Variants in TAOK3 observed in about 807,000 individuals in gnomAD.
The protein encoded by TAOK3 is TAO kinase 3, also known as serine/threonine-protein kinase TAO3.
TAOK3 carries 40 observed loss-of-function variants against 120.4 expected under a neutral mutation model. The observed-to-expected ratio is 0.33, with a 90% CI of 0.26 to 0.43. TAOK3 has a LOEUF of 0.43. Among genes scored for constraint, TAOK3 ranks in the 20% least tolerant of loss-of-function variants. TAOK3 has a pLI of 1.00. For missense variants in TAOK3, 821 were observed against 1,112.1 expected (o/e 0.74, Z 3.72); for synonymous variants, 355 against 387.5 (o/e 0.92, Z 0.99).
rs1269075785 is a variant in TAOK3 at position 118,343,413 on chromosome 12, T to G, written c.-194+29235A>C. Among the ~76,000 whole-genome samples the G allele has an allele frequency of 5.7e-5, 8 of 139,518 alleles. No homozygotes were observed. The Admixed American group carries it at 6.0e-4, about 10-fold the overall frequency. The allele number at this position is 139,518 out of a possible 152,430, so 91.5% of individuals were successfully genotyped here. On this transcript the variant is annotated intron_variant, in intron 1 of 20. Coordinates refer to ENST00000392533, the MANE Select transcript of TAOK3 (RefSeq NM_016281.4). ...TTGCACTCCAGCCTAGGCGACAGAG[T>G]GAGTCCCTGTCTCAAAAAAAAAAAA...
At chr12:118,166,448 G>C (rs1360870254) in intron 17 of TAOK3, among the ~76,000 whole-genome samples, 1 of 151,274 alleles carries the variant, frequency 6.6e-6, no homozygotes, top group Non-Finnish European at 1.5e-5. Context: ...TGAGGCAGGA[G>C]AATCACTTGA....
chr12:118,287,800 A>C (rs1241515571), intron 1 of TAOK3, among the ~76,000 whole-genome samples: 1 of 152,178 alleles, frequency 6.6e-6, no homozygotes, highest in African/African-American at 2.4e-5. Context: ...AATTCCCAGC[A>C]TTCTTAATTG....
At chr12:118,226,333 G>A (rs996899001) in intron 9 of TAOK3, among the ~76,000 whole-genome samples, 2 of 152,114 alleles carry the variant, frequency 1.3e-5, no homozygotes, top group African/African-American at 2.4e-5. Context: ...CTGAGATTGC[G>A]CCACTGCACT....
chr12:118,315,552 A>G (rs528584496), intron 1 of TAOK3, among the ~76,000 whole-genome samples: 1 of 152,294 alleles, frequency 6.6e-6, no homozygotes, highest in South Asian at 2.1e-4. Flanking sequence ...GGTGGATGGA[A>G]AAGAATGGAA....
At chr12:118,217,701 T>TA (rs200196166) in intron 9 of TAOK3, among the ~76,000 whole-genome samples, 4,168 of 147,580 alleles carry the variant, frequency 0.028, 199 homozygotes, top group African/African-American at 0.098. Context: ...AAAAATAAAT[T>TA]AAAAAAAATG....
chr12:118,194,733 C>T (rs1448892173), intron 13 of TAOK3, among the ~76,000 whole-genome samples: 1 of 149,702 alleles, frequency 6.7e-6, no homozygotes, highest in Non-Finnish European at 1.5e-5. Context: ...CTTTAGGAGT[C>T]AGGGTAGAAT....
At chr12:118,306,909 T>G (rs1462403784) in intron 1 of TAOK3, among the ~76,000 whole-genome samples, 1 of 152,228 alleles carries the variant, frequency 6.6e-6, no homozygotes, top group African/African-American at 2.4e-5. Context: ...TAACAACATG[T>G]GGCTAGTAAG....
rs117743532 is a variant in TAOK3, at chr12:118,330,417, C to A, written c.-194+42231G>T. On this transcript the variant is annotated intron_variant, in intron 1 of 20. Transcript: ENST00000392533. ...ATTTCTAAGCGAGTTTTAAAATATGCCAGAGCAGCTTTGTATATTTTTAGA... is the reference window on the plus strand; with the variant it reads ...ATTTCTAAGCGAGTTTTAAAATATGACAGAGCAGCTTTGTATATTTTTAGA... Among the ~76,000 whole-genome samples, 132 of 152,178 alleles carry A rather than the reference C, an allele frequency of 8.7e-4. 1 individual carries two copies. In the East Asian group the frequency reaches 0.023, roughly 26 times the overall value.
At chr12:118,276,221 T>A (rs1593381453) in intron 1 of TAOK3, among the ~76,000 whole-genome samples, 2 of 152,106 alleles carry the variant, frequency 1.3e-5, no homozygotes, top group South Asian at 4.2e-4. Context: ...AAGAAAGAAA[T>A]GATGACAGCC....
chr12:118,213,927 C>T (rs1353023972), intron 10 of TAOK3, 90 bp downstream of exon 10: 1 of 1,154,588 alleles, frequency 8.7e-7, no homozygotes, highest in Non-Finnish European at 1.3e-6. Flanking sequence ...GAAATGCTTT[C>T]TAGGTCAGAT....
chr12:118,317,049 G>A (rs995553317), intron 1 of TAOK3, among the ~76,000 whole-genome samples: 49 of 152,122 alleles, frequency 3.2e-4, no homozygotes, highest in African/African-American at 1.1e-3. Flanking sequence ...GATTGCTTGA[G>A]CTCAGGAGTT....
rs2037546807 is a variant in TAOK3 at position 118,193,508 on chromosome 12, AG to A, written c.1195-3568del. On this transcript the variant is annotated intron_variant, in intron 13 of 20. Coordinates refer to ENST00000392533, the MANE Select transcript of TAOK3 (RefSeq NM_016281.4). ...AAACTTTACTATTATACCTTAGACA[AG>A]GGGCTTTCCTTTTATTTGGAAGTCT... Among the ~76,000 whole-genome samples, 3 of 152,210 alleles carry A rather than the reference AG, an allele frequency of 2.0e-5. No homozygotes were observed. The South Asian group carries it at 6.2e-4, about 31-fold the overall frequency.
chr12:118,284,465 T>C (rs1244815891), intron 1 of TAOK3, among the ~76,000 whole-genome samples: 2 of 152,172 alleles, frequency 1.3e-5, no homozygotes, highest in East Asian at 3.9e-4. Context: ...ATGGGAGTTA[T>C]TAGCTCTGAG....
chr12:118,152,518 G>C (rs1279271997), intron 19 of TAOK3, 109 bp from the exon 20 acceptor site: 1 of 1,171,058 alleles, frequency 8.5e-7, no homozygotes, highest in East Asian at 2.4e-5. Flanking sequence ...ATTGAAATTG[G>C]TTGCCCCCTC....
intron 13 of TAOK3, among the ~76,000 whole-genome samples, chr12:118,193,739 G>A (rs1027230689): frequency 7.9e-5 from 12 of 152,116 alleles, no homozygotes; most frequent in Non-Finnish European, 8.8e-5. Context: ...GTGAGCCACC[G>A]TGCCTGGCTA....
chr12:118,155,391 A>T lies in TAOK3; in HGVS notation c.2353-2982T>A, dbSNP rs564391493. Among the ~76,000 whole-genome samples, 47 of 152,358 alleles carry T rather than the reference A, an allele frequency of 3.1e-4. 1 individual carries two copies. The South Asian group carries it at 5.8e-3, about 19-fold the overall frequency. On this transcript the variant is annotated intron_variant, in intron 19 of 20. Coordinates refer to ENST00000392533, the MANE Select transcript of TAOK3 (RefSeq NM_016281.4). The stretch of plus-strand genomic sequence containing the variant: ...ACAATGGCAAAGCTGAGTAGCTGTG[A>T]CAGAGACCCTGTGGTCCACAAAGCT...
At chr12:118,348,279 T>G (rs183923703) in intron 1 of TAOK3, among the ~76,000 whole-genome samples, 3 of 152,336 alleles carry the variant, frequency 2.0e-5, no homozygotes, top group Admixed American at 1.3e-4. Flanking sequence ...ACATGGACCT[T>G]TCTTAATTCC....
chr12:118,368,610 A>T (rs1380402669), intron 1 of TAOK3, among the ~76,000 whole-genome samples: 1 of 150,258 alleles, frequency 6.7e-6, no homozygotes. Flanking sequence ...GTTCTAGATC[A>T]GCCTGGCCAC....
intron 13 of TAOK3, 129 bp from the exon 14 acceptor site, chr12:118,190,070 C>G: frequency 8.5e-7 from 1 of 1,170,044 alleles, no homozygotes; most frequent in South Asian, 1.5e-5. Context: ...CTGCTAGTCC[C>G]CGCAGCTCCC....
Sources: allele counts gnomAD v4.1 joint callset (sites outside exome capture counted in the v4.1 genomes callset), GRCh38; gene constraint gnomAD v4.1.1; transcripts MANE v1.5; gene names NCBI Gene and HGNC (gene_info 2026-07-23, HGNC 2026-07-21).